The following TBCK variants were observed in gnomAD, a reference collection of about 807,000 sequenced individuals.
The protein encoded by TBCK is TBC1 domain containing kinase.
Under a neutral mutation model 113.4 loss-of-function variants are expected in TBCK, and 99 were observed. The observed-to-expected ratio is 0.87, with a 90% CI of 0.74 to 1.03. The LOEUF (loss-of-function observed/expected upper bound fraction) is 1.03, where lower values mean the gene tolerates loss of function less well. TBCK is among the 50% of genes least tolerant of loss of function. The pLI is 0.00. For missense variants in TBCK, 1,045 were observed against 1,061.3 expected (o/e 0.98, Z 0.21); for synonymous variants, 369 against 370.8 (o/e 1.00, Z 0.05).
chr4:106,248,805 G>A, intron 8 of TBCK, 116 bp downstream of exon 8: 1 of 763,754 alleles, frequency 1.3e-6, no homozygotes, highest in Non-Finnish European at 2.1e-6. Context: ...CCTTTAACTT[G>A]GACTTCCTAG....
chr4:106,169,501 CAAAG>C (rs1221932538), intron 23 of TBCK, among the ~76,000 whole-genome samples: 1 of 151,912 alleles, frequency 6.6e-6, no homozygotes, highest in Non-Finnish European at 1.5e-5. Context: ...AAATTTGAAA[CAAAG>C]AAACTATTAA....
intron 23 of TBCK, among the ~76,000 whole-genome samples, chr4:106,123,728 C>T (rs1238319211): frequency 6.6e-6 from 1 of 151,844 alleles, no homozygotes; most frequent in East Asian, 1.9e-4. Context: ...TTTGACAAAC[C>T]TGAGAAAAAC....
intron 20 of TBCK, among the ~76,000 whole-genome samples, chr4:106,209,997 C>T (rs182876682): frequency 9.9e-5 from 15 of 152,196 alleles, no homozygotes; most frequent in African/African-American, 3.6e-4. Flanking sequence ...CATATTCTCT[C>T]TTTATTCTTT....
intron 22 of TBCK, among the ~76,000 whole-genome samples, chr4:106,173,233 T>A (rs1312977685): frequency 1.3e-5 from 2 of 152,196 alleles, no homozygotes; most frequent in East Asian, 3.9e-4. Context: ...TATCAACTTG[T>A]TATTTCACAA....
chr4:106,265,214 T>C (rs2150111104), intron 3 of TBCK, among the ~76,000 whole-genome samples: 1 of 152,066 alleles, frequency 6.6e-6, no homozygotes, highest in South Asian at 2.1e-4. Context: ...GAACTCTTAG[T>C]AGACAGATGA....
chr4:106,251,707 T>C (rs1170354480), intron 6 of TBCK, among the ~76,000 whole-genome samples, 159 bp downstream of exon 6: 2 of 152,074 alleles, frequency 1.3e-5, no homozygotes, highest in African/African-American at 4.8e-5. Flanking sequence ...AAAAAATATG[T>C]GAAATTATCA....
chr4:106,283,753 T>TG (rs536813214), intron 3 of TBCK, among the ~76,000 whole-genome samples: 2,756 of 151,340 alleles, frequency 0.018, 76 homozygotes, highest in African/African-American at 0.061. Flanking sequence ...CCTTTTCCTC[T>TG]GGGGGAAAAA....
At chr4:106,186,101 T>C (rs1560783169) in intron 22 of TBCK, among the ~76,000 whole-genome samples, 3 of 152,210 alleles carry the variant, frequency 2.0e-5, no homozygotes. Flanking sequence ...ATGGTGTATA[T>C]GTATCACAAT....
At chr4:106,139,545 C>G (rs1006665831) in intron 23 of TBCK, among the ~76,000 whole-genome samples, 1 of 141,104 alleles carries the variant, frequency 7.1e-6, no homozygotes, top group African/African-American at 2.5e-5. Flanking sequence ...ATGATTCTTA[C>G]AAGAATATAG....
In TBCK at chr4:106,247,275, A is replaced by G. The variant is rs763074447; in HGVS notation, c.795T>C (p.Asp265=). ...TFHPSKRPTP[D]QLMKDKVFSE... is the part of the protein sequence containing the mutation. The stretch of plus-strand genomic sequence containing the variant: ...TGAATACTTTGTCCTTCATTAATTG[A>G]TCTGGGGTTGGCCTTGAGAACATTT... The change falls in exon 10 of 26, where the codon GAT becomes GAC. Residue 265 remains aspartate, a synonymous_variant. Transcript: ENST00000394708. 2 of 1,611,690 alleles carry G rather than the reference A, an allele frequency of 1.2e-6. No individual in the cohort carries two copies. The highest frequency in any genetic ancestry group is 1.7e-5 in the Admixed American group (1 of 59,798).
At chr4:106,281,194 T>C (rs975318443) in intron 3 of TBCK, among the ~76,000 whole-genome samples, 1 of 152,142 alleles carries the variant, frequency 6.6e-6, no homozygotes, top group Non-Finnish European at 1.5e-5. Context: ...AATTATTTTC[T>C]TGATTTCTTT....
intron 24 of TBCK, among the ~76,000 whole-genome samples, chr4:106,114,486 T>C (rs1196426152): frequency 2.0e-5 from 3 of 152,190 alleles, no homozygotes; most frequent in Non-Finnish European, 4.4e-5. Context: ...TGTCATTAAA[T>C]CTGTAACTAA....
chr4:106,314,061 C>G (rs1315511173), intron 1 of TBCK, among the ~76,000 whole-genome samples: 2 of 152,070 alleles, frequency 1.3e-5, no homozygotes, highest in East Asian at 3.8e-4. Flanking sequence ...AACTATAAAG[C>G]CATAATACTG....
At position 106,236,470 on chromosome 4, in the gene TBCK, C is replaced by T; in HGVS notation, c.1270G>A (p.Ala424Thr). The change falls in exon 14 of 26, where the codon GCC (alanine) becomes ACC (threonine). Residue 424 changes from alanine to threonine, a missense_variant. Coordinates refer to ENST00000394708, the MANE Select transcript of TBCK (RefSeq NM_001163435.3). ...SNSNNELSAA[A>T]TLPLIIREKD... ...TCTCTGATGATTAAAGGGAGCGTGG[C>T]AGCTGCAGACAACTCATTATTGCTG... The T allele has an allele frequency of 6.3e-7, 1 of 1,579,266 alleles. No individual in the cohort carries two copies. The highest frequency in any genetic ancestry group is 8.6e-7 in the Non-Finnish European group (1 of 1,161,728).
At chr4:106,141,742 A>C (rs887721138) in intron 23 of TBCK, among the ~76,000 whole-genome samples, 1 of 141,386 alleles carries the variant, frequency 7.1e-6, no homozygotes, top group African/African-American at 2.5e-5. Flanking sequence ...AGGACCTTAA[A>C]TGGAAAGACA....
intron 25 of TBCK, among the ~76,000 whole-genome samples, chr4:106,085,919 C>A (rs1278661174): frequency 6.6e-6 from 1 of 152,042 alleles, no homozygotes; most frequent in African/African-American, 2.4e-5. Flanking sequence ...AGAGACAATG[C>A]ACCAGAATCC....
intron 24 of TBCK, among the ~76,000 whole-genome samples, chr4:106,111,424 C>T (rs1011891236): frequency 2.6e-5 from 4 of 152,156 alleles, no homozygotes; most frequent in African/African-American, 7.2e-5. Context: ...TATACTATTC[C>T]CCTTGCAGAA....
chr4:106,160,074 T>A (rs578115532), intron 23 of TBCK, among the ~76,000 whole-genome samples: 17 of 152,076 alleles, frequency 1.1e-4, no homozygotes, highest in Non-Finnish European at 2.2e-4. Context: ...TATATCTCCA[T>A]GCAAAAGAAT....
At chr4:106,119,566 G>A (rs1743994061) in intron 23 of TBCK, among the ~76,000 whole-genome samples, 1 of 152,166 alleles carries the variant, frequency 6.6e-6, no homozygotes, top group South Asian at 2.1e-4. Context: ...GCTACTAGGA[G>A]AAAACATTGT....
Sources: gnomAD v4.1 joint callset for allele counts (sites outside exome capture counted in the v4.1 genomes callset) on GRCh38, gnomAD v4.1.1 for gene constraint, MANE v1.5 for transcripts, NCBI Gene and HGNC (gene_info 2026-07-23, HGNC 2026-07-21) for gene names.